The following CD53 variants were observed in gnomAD, a reference collection of about 807,000 sequenced individuals.
CD53 encodes CD53 molecule.
Under a neutral mutation model 27.3 loss-of-function variants are expected in CD53, and 20 were observed. The observed-to-expected ratio is 0.73, with a 90% CI of 0.52 to 1.07. The LOEUF is 1.07. CD53 is among the 50% of genes least tolerant of loss of function. CD53 has a pLI of 0.00. For missense variants in CD53, 216 were observed against 264.0 expected (o/e 0.82, Z 1.26); for synonymous variants, 106 against 105.3 (o/e 1.01, Z -0.04).
At chr1:110,879,023 C>G (rs12723378) in intron 1 of CD53, among the ~76,000 whole-genome samples, 40,130 of 151,676 alleles carry the variant, frequency 0.26, 5,719 homozygotes, top group Non-Finnish European at 0.32. Flanking sequence ...TGTTTGATTT[C>G]TTTTTGTTTT....
chr1:110,875,314 G>A (rs776795763), intron 1 of CD53, among the ~76,000 whole-genome samples: 6 of 152,148 alleles, frequency 3.9e-5, no homozygotes, highest in African/African-American at 7.2e-5. Flanking sequence ...GGGCAAGATC[G>A]CTCACCAGGC....
chr1:110,883,612 T>C (rs1169272311), intron 1 of CD53, among the ~76,000 whole-genome samples: 1 of 152,014 alleles, frequency 6.6e-6, no homozygotes, highest in African/African-American at 2.4e-5. Flanking sequence ...AGACTTGATA[T>C]AGAATCAGTA....
chr1:110,876,515 C>G (rs1656136260), intron 1 of CD53, among the ~76,000 whole-genome samples: 1 of 152,080 alleles, frequency 6.6e-6, no homozygotes, highest in South Asian at 2.1e-4. Flanking sequence ...TTCAGGAGAA[C>G]TAGATTGAGG....
chr1:110,895,121 G>T, intron 5 of CD53, 66 bp downstream of exon 5: 1 of 1,176,438 alleles, frequency 8.5e-7, no homozygotes, highest in Non-Finnish European at 1.3e-6. Context: ...ATCCTTGGGG[G>T]CTAGTTCCTT....
intron 7 of CD53, among the ~76,000 whole-genome samples, chr1:110,898,760 A>T (rs1025254576): frequency 6.6e-6 from 1 of 152,168 alleles, no homozygotes; most frequent in Non-Finnish European, 1.5e-5. Context: ...AAGCTCAGAG[A>T]AAATGATTTT....
chr1:110,892,338 C>G lies in CD53; in HGVS notation c.64-7C>G. 1 of 1,612,250 alleles carries G rather than the reference C, an allele frequency of 6.2e-7. No homozygotes were observed. The highest frequency in any genetic ancestry group is 8.5e-7 in the Non-Finnish European group (1 of 1,178,278). On this transcript the variant is annotated splice_region_variant and splice_polypyrimidine_tract_variant and intron_variant, in intron 2 of 7. Transcript: ENST00000271324. ...GCTTCAGGATGTTGTGGGATTCTTCCTTTCAGATCTGTGGCTGCTGCATTT... is the reference window on the plus strand; with the variant it reads ...GCTTCAGGATGTTGTGGGATTCTTCGTTTCAGATCTGTGGCTGCTGCATTT...
chr1:110,885,422 T>C (rs534139648), intron 1 of CD53, among the ~76,000 whole-genome samples: 1 of 152,172 alleles, frequency 6.6e-6, no homozygotes, highest in South Asian at 2.1e-4. Flanking sequence ...CCTGTAGTCC[T>C]AGCCACTCGG....
intron 2 of CD53, 73 bp downstream of exon 2, chr1:110,891,544 G>C (rs890255100): frequency 1.7e-6 from 2 of 1,164,820 alleles, no homozygotes; most frequent in Non-Finnish European, 2.6e-6. Context: ...CTCTACTGAA[G>C]AGGCTGGTGT....
upstream of CD53, among the ~76,000 whole-genome samples, chr1:110,871,828 C>CACAT (rs1463267917): frequency 1.3e-5 from 2 of 151,566 alleles, no homozygotes; most frequent in Non-Finnish European, 2.9e-5. Context: ...CACACACACA[C>CACAT]ACACACACAC....
chr1:110,875,037 G>A (rs927923253), intron 1 of CD53, among the ~76,000 whole-genome samples: 5 of 152,196 alleles, frequency 3.3e-5, no homozygotes, highest in Non-Finnish European at 7.3e-5. Context: ...TTCTATAATA[G>A]ATGGAGAACG....
At chr1:110,884,327 C>A (rs1471506191) in intron 1 of CD53, among the ~76,000 whole-genome samples, 3 of 151,992 alleles carry the variant, frequency 2.0e-5, no homozygotes, top group Non-Finnish European at 4.4e-5. Context: ...AGGGATATTT[C>A]TGTTATTGAT....
At chr1:110,878,285 C>T (rs1391259692) in intron 1 of CD53, among the ~76,000 whole-genome samples, 2 of 152,178 alleles carry the variant, frequency 1.3e-5, no homozygotes, top group African/African-American at 4.8e-5. Context: ...CAGATTTTCG[C>T]TCCTATTTAG....
At chr1:110,875,353 T>C (rs139211365) in intron 1 of CD53, among the ~76,000 whole-genome samples, 2 of 152,272 alleles carry the variant, frequency 1.3e-5, no homozygotes, top group Admixed American at 1.3e-4. Context: ...TGGGTGGGGC[T>C]ATGCCCACCA....
intron 6 of CD53, 59 bp from the exon 7 acceptor site, chr1:110,897,750 T>C: frequency 9.7e-7 from 1 of 1,028,084 alleles, no homozygotes; most frequent in Non-Finnish European, 1.5e-6. Context: ...TTCCAAATAC[T>C]TCCTCTTGAT....
intron 7 of CD53, among the ~76,000 whole-genome samples, chr1:110,898,922 T>C (rs1479118133): frequency 1.3e-5 from 2 of 152,182 alleles, no homozygotes; most frequent in Non-Finnish European, 2.9e-5. Context: ...GCCTGTTATC[T>C]TGTCATCATT....
At chr1:110,886,508 C>A (rs1404101499) in intron 1 of CD53, among the ~76,000 whole-genome samples, 2 of 152,098 alleles carry the variant, frequency 1.3e-5, no homozygotes, top group East Asian at 3.8e-4. Context: ...GTATATTAAG[C>A]CACCTGAAAT....
chr1:110,896,600 T>A (rs1331622077), intron 5 of CD53, 53 bp from the exon 6 acceptor site: 1 of 1,560,498 alleles, frequency 6.4e-7, no homozygotes, highest in Non-Finnish European at 8.8e-7. Flanking sequence ...GTCCACAGCT[T>A]TTTTTCACTG....
intron 7 of CD53, 39 bp downstream of exon 7, chr1:110,897,931 G>T (rs1330273143): frequency 4.2e-6 from 5 of 1,190,660 alleles, no homozygotes; most frequent in South Asian, 1.3e-5. Context: ...AGGATTACAT[G>T]AGTTAAGTCA....
intron 7 of CD53, 133 bp downstream of exon 7, chr1:110,898,025 C>G (rs1221538932): frequency 2.0e-6 from 1 of 503,998 alleles, no homozygotes; most frequent in Non-Finnish European, 3.5e-6. Flanking sequence ...ATTCCCCCAG[C>G]CAAGTAGCAA....
Sources: allele counts gnomAD v4.1 joint callset (sites outside exome capture counted in the v4.1 genomes callset), GRCh38; gene constraint gnomAD v4.1.1; transcripts MANE v1.5; gene names NCBI Gene and HGNC (gene_info 2026-07-23, HGNC 2026-07-21).